The following EIF4G3 variants were observed in gnomAD, a reference collection of about 807,000 sequenced individuals.
EIF4G3 encodes eIF-4-gamma 3.
In EIF4G3, 34 loss-of-function variants were observed where a neutral mutation model predicts 186.4. That is an observed-to-expected ratio of 0.18 (90% confidence interval 0.14 to 0.24). The LOEUF is 0.24. EIF4G3 is among the 10% of genes least tolerant of loss of function. The pLI, the probability that EIF4G3 is intolerant of heterozygous loss-of-function variation, is 1.00. For synonymous variants in EIF4G3, 673 were observed against 679.5 expected (o/e 0.99, Z 0.15); for missense variants, 1,536 against 1,948.5 (o/e 0.79, Z 3.99).
chr1:20,905,122 G>A, intron 14 of EIF4G3, 151 bp from the exon 15 acceptor site: 1 of 596,554 alleles, frequency 1.7e-6, no homozygotes, highest in African/African-American at 1.9e-5. Context: ...GAACAATTGT[G>A]TAGTAGCCCA....
intron 10 of EIF4G3, 106 bp from the exon 11 acceptor site, chr1:20,973,205 C>G (rs1294733024): frequency 2.6e-6 from 2 of 764,332 alleles, no homozygotes; most frequent in Admixed American, 5.9e-5. Context: ...AGGGTAAAAA[C>G]AAAAACACTA....
intron 32 of EIF4G3, among the ~76,000 whole-genome samples, chr1:20,826,825 G>A (rs2063782016): frequency 1.3e-5 from 2 of 152,076 alleles, no homozygotes; most frequent in Admixed American, 6.6e-5. Flanking sequence ...AGTCAAGTAG[G>A]TCGGAGAGGA....
At chr1:20,886,817 A>C (rs759109404) in intron 18 of EIF4G3, among the ~76,000 whole-genome samples, 5 of 152,172 alleles carry the variant, frequency 3.3e-5, no homozygotes, top group Non-Finnish European at 5.9e-5. Context: ...GTAGATCATA[A>C]AAGATTCCAC....
intron 2 of EIF4G3, among the ~76,000 whole-genome samples, chr1:21,108,553 A>C (rs1023894373): frequency 6.6e-6 from 1 of 152,162 alleles, no homozygotes; most frequent in African/African-American, 2.4e-5. Flanking sequence ...GAAGGCTTAA[A>C]TATAAGGACT....
At chr1:20,976,001 GAA>G (rs1298239157) in intron 10 of EIF4G3, among the ~76,000 whole-genome samples, 3 of 149,664 alleles carry the variant, frequency 2.0e-5, no homozygotes, top group African/African-American at 7.4e-5. Context: ...GCCCTTTACT[GAA>G]AAAAAAAGTT....
At chr1:21,000,604 C>G (rs1374252291) in intron 6 of EIF4G3, among the ~76,000 whole-genome samples, 1 of 149,426 alleles carries the variant, frequency 6.7e-6, no homozygotes, top group East Asian at 2.0e-4. Flanking sequence ...AAAAAAAAAA[C>G]AAAAAACAAA....
Position 20,904,923 on chromosome 1 carries a change from C to T in EIF4G3, c.1712G>A (p.Arg571Gln), listed in dbSNP as rs772664825. The T allele has an allele frequency of 2.4e-5, 39 of 1,613,776 alleles. No homozygotes were observed. Among genetic ancestry groups the T allele is most frequent in the Admixed American group, 2.2e-4 (13 of 59,986 alleles). Reference sequence around the variant, plus strand: ...TAACATCTCTTCAGTGGTTCGGGTCCGATCTTTTGGTTTCTTCCATGTCTT... The same window carrying T: ...TAACATCTCTTCAGTGGTTCGGGTCTGATCTTTTGGTTTCTTCCATGTCTT... ...VPKTWKKPKDRTRTTEEMLEA... is the reference protein window; with the variant it reads ...VPKTWKKPKDQTRTTEEMLEA... The change falls in exon 15 of 37, where the codon CGG (arginine) becomes CAG (glutamine). Residue 571 changes from arginine (R) to glutamine (Q), a missense_variant. Physicochemically the swap from Arg to Gln is conservative, Grantham distance 43. Around this residue, in one of 11 missense-constraint regions of EIF4G3, gnomAD observed 560 missense variants for 547.8 expected, o/e 1.02. Coordinates refer to ENST00000602326, the MANE Select transcript of EIF4G3 (RefSeq NM_001391906.1).
chr1:20,988,510 C>T (rs1196011201), intron 7 of EIF4G3: 1 of 159,886 alleles, frequency 6.3e-6, no homozygotes, highest in Non-Finnish European at 1.5e-5. Context: ...ATCCTAGGGC[C>T]CTTAAGAATT....
chr1:21,065,397 CAAA>C (rs3081969), intron 3 of EIF4G3, among the ~76,000 whole-genome samples: 4 of 124,076 alleles, frequency 3.2e-5, no homozygotes, highest in Non-Finnish European at 3.3e-5. Flanking sequence ...TTGTTTCTAC[CAAA>C]AAAAAAAAAA....
intron 4 of EIF4G3, chr1:21,003,699 T>A (rs1263336524): frequency 2.7e-6 from 1 of 373,132 alleles, no homozygotes; most frequent in Non-Finnish European, 5.2e-6. Flanking sequence ...GAGTTGCACA[T>A]CATATCTCAG....
intron 29 of EIF4G3, among the ~76,000 whole-genome samples, chr1:20,842,686 G>A (rs2069119719): frequency 6.6e-6 from 1 of 151,680 alleles, no homozygotes; most frequent in Non-Finnish European, 1.5e-5. Context: ...TCTTATATAT[G>A]CTTTTAACCA....
chr1:20,876,653 A>G (rs1022565324), intron 20 of EIF4G3, among the ~76,000 whole-genome samples: 2 of 152,200 alleles, frequency 1.3e-5, no homozygotes, highest in African/African-American at 4.8e-5. Context: ...TAATAACTGT[A>G]TTAACTATAC....
At chr1:21,044,256 A>G (rs1042302593) in intron 4 of EIF4G3, among the ~76,000 whole-genome samples, 2 of 152,184 alleles carry the variant, frequency 1.3e-5, no homozygotes, top group Non-Finnish European at 2.9e-5. Context: ...AAATATTGTC[A>G]TTAAACACTT....
At chr1:20,981,268 C>T in intron 8 of EIF4G3, 41 bp from the exon 9 acceptor site, 1 of 1,204,280 alleles carries the variant, frequency 8.3e-7, no homozygotes, top group Non-Finnish European at 1.1e-6. Context: ...TTTTTTTTAA[C>T]ACAGGGGAAT....
chr1:20,974,925 C>T (rs1427320444), intron 10 of EIF4G3, among the ~76,000 whole-genome samples: 1 of 152,100 alleles, frequency 6.6e-6, no homozygotes, highest in African/African-American at 2.4e-5. Context: ...CAGGTAAAAT[C>T]CTTGGTACTA....
At chr1:21,020,252 C>T (rs895110838) in intron 4 of EIF4G3, among the ~76,000 whole-genome samples, 38 of 152,012 alleles carry the variant, frequency 2.5e-4, no homozygotes, top group Admixed American at 6.6e-5. Flanking sequence ...CTTTGGGAGG[C>T]GGAGGTGAGA....
At chr1:20,849,374 A>T in intron 29 of EIF4G3, 41 bp downstream of exon 29, 1 of 1,131,806 alleles carries the variant, frequency 8.8e-7, no homozygotes, top group Non-Finnish European at 1.3e-6. Flanking sequence ...ATACTATCAA[A>T]GGACTTACTG....
intron 19 of EIF4G3, among the ~76,000 whole-genome samples, chr1:20,881,604 T>C (rs1032988208): frequency 6.6e-6 from 1 of 151,236 alleles, no homozygotes; most frequent in Non-Finnish European, 1.5e-5. Context: ...CTGGGCAACA[T>C]GGCAAAACCC....
intron 7 of EIF4G3, among the ~76,000 whole-genome samples, chr1:20,996,367 C>T (rs61781115): frequency 0.37 from 56,170 of 151,874 alleles, 11,026 homozygotes; most frequent in Non-Finnish European, 0.43. Context: ...ACAATATTAT[C>T]TCTGAATTAA....
Sources: allele counts gnomAD v4.1 joint callset (sites outside exome capture counted in the v4.1 genomes callset), GRCh38; gene constraint gnomAD v4.1.1; regional missense constraint gnomAD v4.1.1; transcripts MANE v1.5; gene names NCBI Gene and HGNC (gene_info 2026-07-23, HGNC 2026-07-21).